TSPAN16: variants seen among roughly 807,000 people sequenced by gnomAD.
TSPAN16 encodes tetraspanin-16.
A neutral mutation model predicts 25.2 loss-of-function variants in TSPAN16; 23 were observed. The ratio of observed to expected loss-of-function variants is 0.91; its 90% confidence interval spans 0.66 to 1.29. The LOEUF is 1.29. Ranked by LOEUF, TSPAN16 falls within the 50% of genes most tolerant of loss-of-function variation. TSPAN16 has a pLI of 0.00. For synonymous variants in TSPAN16, 123 were observed against 124.4 expected, an observed-to-expected ratio of 0.99 and a Z score of 0.08; for missense variants, 272 against 299.9, an observed-to-expected ratio of 0.91 and a Z score of 0.69.
At chr19:11,302,329 C>T (rs1294783905) in intron 4 of TSPAN16, among the ~76,000 whole-genome samples, 1 of 151,664 alleles carries the variant, frequency 6.6e-6, no homozygotes, top group East Asian at 1.9e-4. Flanking sequence ...ACTCTAGGGA[C>T]CTCCTAGGAG....
chr19:11,315,234 TCAATAATAA>T (rs2080733991), intron 6 of TSPAN16, among the ~76,000 whole-genome samples: 2 of 91,212 alleles, frequency 2.2e-5, no homozygotes, highest in Admixed American at 2.3e-4. Context: ...AGACTCCTTC[TCAATAATAA>T]TAATAATAAT....
chr19:11,320,548 T>C (rs1568297083), downstream of TSPAN16, among the ~76,000 whole-genome samples: 1 of 151,974 alleles, frequency 6.6e-6, no homozygotes, highest in Non-Finnish European at 1.5e-5. Flanking sequence ...TGGTGCTTGC[T>C]TGTAGTTCCA....
At chr19:11,325,340 C>T in intron 6 of TSPAN16, 1 of 1,217,248 alleles carries the variant, frequency 8.2e-7, no homozygotes, top group African/African-American at 1.5e-5. Context: ...TGGCTCACGC[C>T]TCGATCACAG....
At chr19:11,302,669 A>ATATGTG (rs1373981570) in intron 4 of TSPAN16, among the ~76,000 whole-genome samples, 416 of 127,036 alleles carry the variant, frequency 3.3e-3, no homozygotes, top group Middle Eastern at 7.4e-3. Context: ...ACATATATAT[A>ATATGTG]TATATATATA....
intron 6 of TSPAN16, among the ~76,000 whole-genome samples, chr19:11,321,707 C>T (rs548766619): frequency 8.5e-5 from 13 of 152,194 alleles, no homozygotes; most frequent in Middle Eastern, 3.4e-3. Context: ...TCATGCAGGG[C>T]CCCGGGGGCC....
intron 5 of TSPAN16, among the ~76,000 whole-genome samples, chr19:11,310,515 C>CAAAAA (rs71164183): frequency 1.7e-5 from 2 of 117,048 alleles, no homozygotes; most frequent in East Asian, 4.8e-4. Flanking sequence ...AATTCCGTCT[C>CAAAAA]AAAAAAAAAA....
intron 3 of TSPAN16, among the ~76,000 whole-genome samples, chr19:11,300,260 C>T (rs1208617425): frequency 6.6e-6 from 1 of 152,126 alleles, no homozygotes; most frequent in Non-Finnish European, 1.5e-5. Flanking sequence ...CTGCAGGGGA[C>T]ATGGCAAATG....
In TSPAN16 at chr19:11,298,796, C is replaced by A. The variant is rs1353440082; in HGVS notation, c.268-76C>A. ...TGGAGGGTCGGGGGAACAGAGACAACCCCTCACCTGCAGGGTATAAGGTCG... is the reference window on the plus strand; with the variant it reads ...TGGAGGGTCGGGGGAACAGAGACAAACCCTCACCTGCAGGGTATAAGGTCG... On this transcript the variant is annotated intron_variant, in intron 2 of 6. Coordinates refer to ENST00000590327, the MANE Select transcript of TSPAN16 (RefSeq NM_001282509.2). 16 of 1,414,276 alleles carry A rather than the reference C, an allele frequency of 1.1e-5. No homozygotes were observed. The Admixed American group carries it at 2.4e-4, about 21-fold the overall frequency. The allele number at this position is 1,414,276 out of a possible 1,614,324, so 87.6% of individuals were successfully genotyped here. A position where few individuals can be genotyped will look rare whatever the true frequency, so the allele number is the denominator to read the frequency against.
chr19:11,313,833 G>A (rs2080718779), intron 6 of TSPAN16, among the ~76,000 whole-genome samples: 1 of 152,126 alleles, frequency 6.6e-6, no homozygotes, highest in African/African-American at 2.4e-5. Flanking sequence ...ATTATTATTT[G>A]TCCCAGCAAC....
intron 4 of TSPAN16, among the ~76,000 whole-genome samples, chr19:11,302,726 T>G (rs2080576550): frequency 6.8e-6 from 1 of 147,114 alleles, no homozygotes; most frequent in Admixed American, 6.9e-5. Flanking sequence ...TATATTCACA[T>G]ATATATTTTT....
chr19:11,311,572 A>G (rs2080692721), intron 5 of TSPAN16, among the ~76,000 whole-genome samples: 1 of 152,118 alleles, frequency 6.6e-6, no homozygotes, highest in South Asian at 2.1e-4. Flanking sequence ...CTGGGACTAC[A>G]GCCACACACC....
At chr19:11,298,780 GGGGGA>G in intron 2 of TSPAN16, 87 bp from the exon 3 acceptor site, 3 of 1,270,098 alleles carry the variant, frequency 2.4e-6, no homozygotes, top group Non-Finnish European at 3.4e-6. Flanking sequence ...GTGGAGGGTC[GGGGGA>G]ACAGAGACAA....
chr19:11,310,493 C>T (rs2080678726), intron 5 of TSPAN16, among the ~76,000 whole-genome samples: 3 of 132,980 alleles, frequency 2.3e-5, no homozygotes, highest in Admixed American at 8.3e-5. Context: ...CCAGCCTGGG[C>T]AATAAGAGCC....
chr19:11,323,605 A>G (rs1444839180), intron 6 of TSPAN16: 2 of 152,142 alleles, frequency 1.3e-5, no homozygotes, highest in Non-Finnish European at 2.9e-5. Context: ...AAACAAATGA[A>G]AAAAAGATAC....
chr19:11,303,044 G>A (rs8110901), intron 4 of TSPAN16, among the ~76,000 whole-genome samples: 5,142 of 150,572 alleles, frequency 0.034, 470 homozygotes, highest in African/African-American at 0.12. Flanking sequence ...CCACCACCCC[G>A]TCTGGGAGGT....
rs760162030 is a variant in TSPAN16 at position 11,306,553 on chromosome 19, GT to G, written c.451-46del. On this transcript the variant is annotated intron_variant, in intron 4 of 6. Transcript: ENST00000590327. Reference sequence around the variant, plus strand: ...AGCCATGGTAACCGTGATTTCTGATGTTTTTATTATTTGAAAGGGACTCTCC... The same window carrying G: ...AGCCATGGTAACCGTGATTTCTGATGTTTTATTATTTGAAAGGGACTCTCC... The G allele has an allele frequency of 3.7e-6, 6 of 1,608,142 alleles. No homozygotes were observed. In the African/African-American group the frequency reaches 8.0e-5, roughly 22 times the overall value.
intron 6 of TSPAN16, 161 bp downstream of exon 6, chr19:11,312,383 AG>A: frequency 2.3e-6 from 1 of 438,794 alleles, no homozygotes. Context: ...ATCAAGCAGA[AG>A]GAAGATGCTA....
At position 11,297,990 on chromosome 19, in the gene TSPAN16, C is replaced by G. The variant is rs78610608; in HGVS notation, c.70-152C>G. 1.9e-3 allele frequency: 1,366 copies of G among 716,378 alleles called. 7 individuals carry two copies. The highest frequency in any genetic ancestry group is 0.016 in the East Asian group (596 of 36,468). 44.4% of individuals were successfully genotyped at this position (716,378 alleles called of 1,614,324 possible). A position where few individuals can be genotyped will look rare whatever the true frequency, so the allele number is the denominator to read the frequency against. On this transcript the variant is annotated intron_variant, in intron 1 of 6. Transcript: ENST00000590327. Reference sequence around the variant, plus strand: ...GTTGGGGAGAGGGTACAGATGAGGTCTTACCAAGCTGGTCTTGAACTCCTG... The same window carrying G: ...GTTGGGGAGAGGGTACAGATGAGGTGTTACCAAGCTGGTCTTGAACTCCTG...
In TSPAN16 at chr19:11,315,886, G is replaced by A; in HGVS notation, c.*48G>A. The A allele has an allele frequency of 1.6e-6, 2 of 1,231,790 alleles. No homozygotes were observed. The highest frequency in any genetic ancestry group is 2.0e-6 in the Non-Finnish European group (2 of 987,754). The allele number at this position is 1,231,790 out of a possible 1,614,324, so 76.3% of individuals were successfully genotyped here. ...GACACCTGGGCCCATCTGGCTGCTG[G>A]AGATTCAGTCTCAGTTTTATTTCTC... On this transcript the variant is annotated 3_prime_UTR_variant, in exon 7 of 7. Transcript: ENST00000590327.
Sources: allele counts gnomAD v4.1 joint callset (sites outside exome capture counted in the v4.1 genomes callset), GRCh38; gene constraint gnomAD v4.1.1; transcripts MANE v1.5; gene names NCBI Gene and HGNC (gene_info 2026-07-23, HGNC 2026-07-21).